Variants in ANKRD33B observed in about 807,000 individuals in gnomAD.
The protein encoded by ANKRD33B is ankyrin repeat domain 33B.
Under a neutral mutation model 21.5 loss-of-function variants are expected in ANKRD33B, and 6 were observed. The observed-to-expected ratio is 0.28, with a 90% CI of 0.15 to 0.55. ANKRD33B has a LOEUF of 0.55. Among genes scored for constraint, ANKRD33B ranks in the 20% least tolerant of loss-of-function variants. ANKRD33B has a pLI of 0.94. For missense variants in ANKRD33B, 698 were observed against 747.2 expected, an observed-to-expected ratio of 0.93 and a Z score of 0.77; for synonymous variants, 347 against 342.4, an observed-to-expected ratio of 1.01 and a Z score of -0.15.
chr5:10,587,773 G>T (rs1373207074), intron 1 of ANKRD33B, among the ~76,000 whole-genome samples: 1 of 151,942 alleles, frequency 6.6e-6, no homozygotes, highest in Middle Eastern at 3.2e-3. Flanking sequence ...ACTTGTAGGG[G>T]TATTTCTATA....
chr5:10,565,096 C>G (rs1412621427), intron 1 of ANKRD33B, among the ~76,000 whole-genome samples: 1 of 152,244 alleles, frequency 6.6e-6, no homozygotes, highest in African/African-American at 2.4e-5. Flanking sequence ...TCACCGCATC[C>G]CCTTCTCGTT....
chr5:10,630,020 G>A (rs1736668722), intron 2 of ANKRD33B, among the ~76,000 whole-genome samples: 1 of 151,912 alleles, frequency 6.6e-6, no homozygotes, highest in Non-Finnish European at 1.5e-5. Context: ...GACTGAAGCG[G>A]AGTTGAATGG....
At chr5:10,614,213 C>T (rs181003556) in intron 1 of ANKRD33B, among the ~76,000 whole-genome samples, 18 of 152,230 alleles carry the variant, frequency 1.2e-4, no homozygotes, top group Admixed American at 4.6e-4. Flanking sequence ...CCTTTTTTCT[C>T]TTAAAGTCTT....
intron 3 of ANKRD33B, among the ~76,000 whole-genome samples, chr5:10,645,647 T>TTAGCC (rs1737173828): frequency 6.6e-6 from 1 of 152,186 alleles, no homozygotes; most frequent in Non-Finnish European, 1.5e-5. Context: ...TTGGCTCCCC[T>TTAGCC]TAGCCTGTTG....
At chr5:10,566,561 G>A (rs868497182) in intron 1 of ANKRD33B, among the ~76,000 whole-genome samples, 11 of 152,210 alleles carry the variant, frequency 7.2e-5, no homozygotes, top group African/African-American at 1.2e-4. Context: ...GGCCTGGCTC[G>A]CCCAGTCCCC....
At chr5:10,577,422 C>T (rs111593316) in intron 1 of ANKRD33B, among the ~76,000 whole-genome samples, 2 of 152,304 alleles carry the variant, frequency 1.3e-5, no homozygotes, top group African/African-American at 2.4e-5. Flanking sequence ...CGCGCCCGGC[C>T]GCCTTTCTCT....
rs1057353878 is a variant in ANKRD33B, at chr5:10,657,751, AAAG to A, written c.*7639_*7641del. 6 of 152,390 alleles carry A rather than the reference AAAG, an allele frequency of 3.9e-5. No homozygotes were observed. Among genetic ancestry groups the A allele is most frequent in the Non-Finnish European group, 8.8e-5 (6 of 68,042 alleles). The allele number at this position is 152,390 out of a possible 1,614,324, so 9.4% of individuals were successfully genotyped here. On this transcript the variant is annotated 3_prime_UTR_variant, in exon 4 of 4. Coordinates refer to ENST00000296657, the MANE Select transcript of ANKRD33B (RefSeq NM_001164440.2). ...ATCTAATGTTTAAAAAATATGGAAAAAAGGGATAATGTAAAAATGTGGGAGAAT... is the reference window on the plus strand; with the variant it reads ...ATCTAATGTTTAAAAAATATGGAAAAGGATAATGTAAAAATGTGGGAGAAT...
At chr5:10,631,549 C>T (rs932318872) in intron 2 of ANKRD33B, among the ~76,000 whole-genome samples, 1 of 152,170 alleles carries the variant, frequency 6.6e-6, no homozygotes, top group African/African-American at 2.4e-5. Context: ...AGGGAAGCAG[C>T]GCCTCTGGCC....
chr5:10,591,281 C>G (rs556499008), intron 1 of ANKRD33B, among the ~76,000 whole-genome samples: 1 of 146,004 alleles, frequency 6.8e-6, no homozygotes, highest in South Asian at 2.2e-4. Context: ...CAACCTCCCC[C>G]TCCCAGTTTC....
chr5:10,605,845 T>C (rs962433557), intron 1 of ANKRD33B, among the ~76,000 whole-genome samples: 2 of 152,224 alleles, frequency 1.3e-5, no homozygotes, highest in African/African-American at 4.8e-5. Flanking sequence ...GTTTCTGTGT[T>C]CCGCTCTTCT....
chr5:10,634,573 C>T lies in ANKRD33B; in HGVS notation c.497-3455C>T, dbSNP rs552598040. On this transcript the variant is annotated intron_variant, in intron 2 of 3. Coordinates refer to ENST00000296657, the MANE Select transcript of ANKRD33B (RefSeq NM_001164440.2). The stretch of plus-strand genomic sequence containing the variant: ...CTCCTGGGTTCAAGCAATGCTCCTG[C>T]CTCAACCTCCTGAGTAGCTGAGAAT... 9.2e-5 allele frequency among the ~76,000 whole-genome samples: 14 copies of T among 151,704 alleles called. No individual in the cohort carries two copies. In the East Asian group the frequency reaches 2.7e-3, roughly 30 times the overall value.
intron 1 of ANKRD33B, among the ~76,000 whole-genome samples, chr5:10,579,082 T>G (rs1209385731): frequency 1.3e-5 from 2 of 151,048 alleles, no homozygotes; most frequent in Non-Finnish European, 2.9e-5. Context: ...GAGAATCATC[T>G]GAGCCCAGGA....
Position 10,619,169 on chromosome 5 carries a change from A to G in ANKRD33B, c.496+707A>G, listed in dbSNP as rs777340665. The G allele has an allele frequency of 8.9e-5, 26 of 293,578 alleles. No individual in the cohort carries two copies. The highest frequency in any genetic ancestry group is 1.2e-4 in the Non-Finnish European group (24 of 197,586). 18.2% of individuals were successfully genotyped at this position (293,578 alleles called of 1,614,324 possible). Reference sequence around the variant, plus strand: ...AACAGTGGTCTTGACCAGGTTTATCACTGACCCCTTTCACATTTCTTTGCC... The same window carrying G: ...AACAGTGGTCTTGACCAGGTTTATCGCTGACCCCTTTCACATTTCTTTGCC... On this transcript the variant is annotated intron_variant, in intron 2 of 3. Transcript: ENST00000296657. The surrounding 1 kb of genome is among the most constrained non-coding windows in gnomAD (Gnocchi z 4.5).
chr5:10,569,124 G>C (rs1158021396), intron 1 of ANKRD33B, among the ~76,000 whole-genome samples: 1 of 152,168 alleles, frequency 6.6e-6, no homozygotes, highest in African/African-American at 2.4e-5. Flanking sequence ...TCCAGTTATT[G>C]CAACAGCCCT....
At chr5:10,571,893 T>A (rs1735202204) in intron 1 of ANKRD33B, among the ~76,000 whole-genome samples, 1 of 7,528 alleles carries the variant, frequency 1.3e-4, no homozygotes, top group African/African-American at 2.3e-4. Context: ...TTCTTTTTTC[T>A]TTTTTTTTTT....
chr5:10,593,954 C>T (rs543634096), intron 1 of ANKRD33B, among the ~76,000 whole-genome samples: 13 of 152,324 alleles, frequency 8.5e-5, no homozygotes, highest in Non-Finnish European at 1.8e-4. Flanking sequence ...GGTCCCGTGG[C>T]AAGGCAGAAC....
rs184208558 is a variant in ANKRD33B at position 10,629,219 on chromosome 5, C to T, written c.497-8809C>T. ...GTGGGACAAAGGAGGCTAGTCAGGA[C>T]AGGAGCTGTGGCCCCATGGGGACGT... On this transcript the variant is annotated intron_variant, in intron 2 of 3. Transcript: ENST00000296657. 8.3e-4 allele frequency among the ~76,000 whole-genome samples: 127 copies of T among 152,292 alleles called. 2 individuals are homozygous for T. The highest frequency in any genetic ancestry group is 8.1e-4 in the Non-Finnish European group (55 of 68,012).
At chr5:10,615,252 A>C (rs1736258063) in intron 1 of ANKRD33B, among the ~76,000 whole-genome samples, 1 of 152,250 alleles carries the variant, frequency 6.6e-6, no homozygotes, top group South Asian at 2.1e-4. Context: ...CCTGAAGAGC[A>C]GGTTAGCATA....
intron 2 of ANKRD33B, among the ~76,000 whole-genome samples, chr5:10,634,599 A>G (rs1271318107): frequency 2.0e-5 from 3 of 151,840 alleles, no homozygotes; most frequent in Admixed American, 1.3e-4. Context: ...AGCTGAGAAT[A>G]TAGGCATGCA....
Sources: gnomAD v4.1 joint callset for allele counts (sites outside exome capture counted in the v4.1 genomes callset) on GRCh38, gnomAD v4.1.1 for gene constraint, Gnocchi (gnomAD v3.1) non-coding constraint, MANE v1.5 for transcripts, NCBI Gene and HGNC (gene_info 2026-07-23, HGNC 2026-07-21) for gene names.